Variants in F2RL3 observed in about 807,000 individuals in gnomAD.
The protein encoded by F2RL3 is proteinase-activated receptor 4.
A neutral mutation model predicts 4.9 loss-of-function variants in F2RL3; 3 were observed. The observed-to-expected ratio is 0.61, with a 90% CI of 0.28 to 1.58. The LOEUF is 1.58. Ranked by LOEUF, F2RL3 falls within the 40% of genes most tolerant of loss-of-function variation. F2RL3 has a pLI of 0.11. For missense variants in F2RL3, 564 were observed against 550.4 expected, an observed-to-expected ratio of 1.02 and a Z score of -0.25; for synonymous variants, 284 against 278.4, an observed-to-expected ratio of 1.02 and a Z score of -0.20.
chr19:16,889,839 G>A lies in F2RL3; in HGVS notation c.376G>A (p.Ala126Thr). Residue 126 changes from alanine to threonine, a missense_variant, in exon 2 of 2, where the codon GCC becomes ACC. Coordinates refer to ENST00000248076, the MANE Select transcript of F2RL3 (RefSeq NM_003950.4). ...CCTCGCGGCTGCTGACCTCCTGCTG[G>A]CCCTGGCGCTGCCCCCGCGGATCGC... is the stretch of plus-strand genomic sequence containing the variant. Reference protein sequence around the residue: ...MNLAAADLLLALALPPRIAYH... With the variant: ...MNLAAADLLLTLALPPRIAYH... The A allele has an allele frequency of 6.3e-7, 1 of 1,597,556 alleles. No homozygotes were observed. Among genetic ancestry groups the A allele is most frequent in the African/African-American group, 1.3e-5 (1 of 74,934 alleles).
rs2051752746 is a variant in F2RL3 at position 16,889,095 on chromosome 19, G to A, written c.-95G>A. 3 of 951,804 alleles carry A rather than the reference G, an allele frequency of 3.2e-6. No individual in the cohort carries two copies. Among genetic ancestry groups the A allele is most frequent in the Admixed American group, 3.1e-5 (1 of 31,910 alleles). The allele number at this position is 951,804 out of a possible 1,614,324, so 59.0% of individuals were successfully genotyped here. A position where few individuals can be genotyped will look rare whatever the true frequency, so the allele number is the denominator to read the frequency against. The stretch of plus-strand genomic sequence containing the variant: ...CTTCCTGGTTTATCTCTACCGGCGC[G>A]ATCTGCTCGTCCGCCTCGGCTCCAG... On this transcript the variant is annotated 5_prime_UTR_variant, in exon 1 of 2. Coordinates refer to ENST00000248076, the MANE Select transcript of F2RL3 (RefSeq NM_003950.4).
At position 16,889,081 on chromosome 19, in the gene F2RL3, A is replaced by C. The variant is rs2051752394; in HGVS notation, c.-109A>C. ...GGGGCAGGGGCAGCCTTCCTGGTTT[A>C]TCTCTACCGGCGCGATCTGCTCGTC... On this transcript the variant is annotated 5_prime_UTR_variant, in exon 1 of 2. Transcript: ENST00000248076. 2 of 812,094 alleles carry C rather than the reference A, an allele frequency of 2.5e-6. No homozygotes were observed. Among genetic ancestry groups the C allele is most frequent in the East Asian group, 5.9e-5 (2 of 34,008 alleles). 50.3% of individuals were successfully genotyped at this position (812,094 alleles called of 1,614,324 possible).
chr19:16,890,349 T>A lies in F2RL3; in HGVS notation c.886T>A (p.Phe296Ile), dbSNP rs2227346. ...GGTGCTGGCCTCCGCCGTGGCCTTC[T>A]TCGTGCCCAGCAACCTGCTGCTGCT... ...AVVLASAVAF[F>I]VPSNLLLLLH... Residue 296 changes from phenylalanine (F) to isoleucine (I), a missense_variant, in exon 2 of 2, where the codon TTC (phenylalanine) becomes ATC (isoleucine). Physicochemically the swap from Phe to Ile is conservative, Grantham distance 21 (BLOSUM62 0). Transcript: ENST00000248076. 1.2e-6 allele frequency: 2 copies of A among 1,601,658 alleles called. No individual in the cohort carries two copies. Among genetic ancestry groups the A allele is most frequent in the Non-Finnish European group, 1.7e-6 (2 of 1,177,196 alleles).
rs201977890 is a variant in F2RL3, at chr19:16,891,756, C to CA, written c.*1143dup. 23 of 151,686 alleles carry CA rather than the reference C, an allele frequency of 1.5e-4. No individual in the cohort carries two copies. Among genetic ancestry groups the CA allele is most frequent in the East Asian group, 9.7e-4 (5 of 5,162 alleles). The allele number at this position is 151,686 out of a possible 1,614,324, so 9.4% of individuals were successfully genotyped here. On this transcript the variant is annotated 3_prime_UTR_variant, in exon 2 of 2. Coordinates refer to ENST00000248076, the MANE Select transcript of F2RL3 (RefSeq NM_003950.4). ...CTGGGCGAAAGAGCGACTCTGTCTC[C>CA]AAAAAAAAGAGAAGAGGAGAGGACA...
chr19:16,889,958 G>T lies in F2RL3; in HGVS notation c.495G>T (p.Leu165=). ...ALYGHMYGSV[L]LLAAVSLDRY... is the part of the protein sequence containing the mutation. Reference sequence around the variant, plus strand: ...ATGGTCACATGTATGGCTCAGTGCTGCTGCTGGCCGCCGTCAGCCTGGATC... The same window carrying T: ...ATGGTCACATGTATGGCTCAGTGCTTCTGCTGGCCGCCGTCAGCCTGGATC... The change falls in exon 2 of 2, where the codon CTG becomes CTT. Residue 165 remains leucine, a synonymous_variant. Transcript: ENST00000248076. 1 of 1,593,210 alleles carries T rather than the reference G, an allele frequency of 6.3e-7. No individual in the cohort carries two copies. Among genetic ancestry groups the T allele is most frequent in the Non-Finnish European group, 8.5e-7 (1 of 1,173,426 alleles).
In F2RL3 at chr19:16,889,920, A is replaced by G; in HGVS notation, c.457A>G (p.Thr153Ala). Residue 153 changes from threonine (T) to alanine (A), a missense_variant, in exon 2 of 2, where the codon ACG (threonine) becomes GCG (alanine). By Grantham distance (58) the Thr-to-Ala change is moderately conservative. Coordinates refer to ENST00000248076, the MANE Select transcript of F2RL3 (RefSeq NM_003950.4). ...PFGEAACRLA[T>A]AALYGHMYGS... ...CGGGGAGGCCGCCTGCCGCCTGGCCACGGCCGCACTCTATGGTCACATGTA... is the reference window on the plus strand; with the variant it reads ...CGGGGAGGCCGCCTGCCGCCTGGCCGCGGCCGCACTCTATGGTCACATGTA... 6.3e-7 allele frequency: 1 copy of G among 1,583,650 alleles called. No individual in the cohort carries two copies. The highest frequency in any genetic ancestry group is 1.3e-5 in the African/African-American group (1 of 74,658).
chr19:16,889,628 C>G lies in F2RL3; in HGVS notation c.165C>G (p.Ala55=). ...APRGYPGQVC[A]NDSDTLELPD... is the part of the protein sequence containing the mutation. The stretch of plus-strand genomic sequence containing the variant: ...GCGGCTACCCAGGCCAAGTCTGTGC[C>G]AATGACAGTGACACCCTGGAGCTCC... Residue 55 remains alanine (A), a synonymous_variant, in exon 2 of 2, where the codon GCC becomes GCG. Transcript: ENST00000248076. 4.4e-6 allele frequency: 7 copies of G among 1,607,818 alleles called. No individual in the cohort carries two copies. Among genetic ancestry groups the G allele is most frequent in the Non-Finnish European group, 5.9e-6 (7 of 1,177,412 alleles).
chr19:16,890,805 G>C lies in F2RL3; in HGVS notation c.*184G>C. 1.6e-6 allele frequency: 1 copy of C among 611,298 alleles called. No homozygotes were observed. The highest frequency in any genetic ancestry group is 2.9e-6 in the Non-Finnish European group (1 of 349,136). 37.9% of individuals were successfully genotyped at this position (611,298 alleles called of 1,614,324 possible). ...GGGTGGTGTCCTCATAAGATAAGGA[G>C]AGGCCAGGCCTGGTGGCTCACGCCT... On this transcript the variant is annotated 3_prime_UTR_variant, in exon 2 of 2. Coordinates refer to ENST00000248076, the MANE Select transcript of F2RL3 (RefSeq NM_003950.4).
Position 16,889,696 on chromosome 19 carries a change from G to A in F2RL3, c.233G>A (p.Arg78Lys), listed in dbSNP as rs2051760671. 1.2e-6 allele frequency: 2 copies of A among 1,608,706 alleles called. No homozygotes were observed. Among genetic ancestry groups the A allele is most frequent in the African/African-American group, 2.7e-5 (2 of 75,056 alleles). ...RALLLGWVPT[R>K]LVPALYGLVL... Reference sequence around the variant, plus strand: ...CTGCTTCTGGGCTGGGTGCCCACCAGGCTGGTGCCCGCCCTCTATGGGCTG... The same window carrying A: ...CTGCTTCTGGGCTGGGTGCCCACCAAGCTGGTGCCCGCCCTCTATGGGCTG... The change falls in exon 2 of 2, where the codon AGG (arginine) becomes AAG (lysine). Residue 78 changes from arginine to lysine, a missense_variant. Coordinates refer to ENST00000248076, the MANE Select transcript of F2RL3 (RefSeq NM_003950.4).
chr19:16,889,772 C>T lies in F2RL3; in HGVS notation c.309C>T (p.Ala103=). 4.4e-6 allele frequency: 7 copies of T among 1,599,128 alleles called. No homozygotes were observed. Among genetic ancestry groups the T allele is most frequent in the Non-Finnish European group, 5.9e-6 (7 of 1,178,292 alleles). The stretch of plus-strand genomic sequence containing the variant: ...ATGGGCTGGCGCTGTGGGTGCTGGC[C>T]ACGCAGGCACCTCGGCTGCCCTCCA... The part of the protein sequence containing the change: ...PANGLALWVL[A]TQAPRLPSTM... The change falls in exon 2 of 2, where the codon GCC becomes GCT. Residue 103 remains alanine, a synonymous_variant. Coordinates refer to ENST00000248076, the MANE Select transcript of F2RL3 (RefSeq NM_003950.4).
At position 16,890,466 on chromosome 19, in the gene F2RL3, G is replaced by C. The variant is rs139232968; in HGVS notation, c.1003G>C (p.Val335Leu). ...GGCGCTGAGCACCCTCAACAGCTGC[G>C]TGGATCCCTTCATCTACTACTACGT... is the stretch of plus-strand genomic sequence containing the variant. ...SLALSTLNSC[V>L]DPFIYYYVSA... The change falls in exon 2 of 2, where the codon GTG (valine) becomes CTG (leucine). Residue 335 changes from valine to leucine, a missense_variant. Coordinates refer to ENST00000248076, the MANE Select transcript of F2RL3 (RefSeq NM_003950.4). 3 of 1,612,902 alleles carry C rather than the reference G, an allele frequency of 1.9e-6. No homozygotes were observed. Among genetic ancestry groups the C allele is most frequent in the Non-Finnish European group, 2.5e-6 (3 of 1,179,970 alleles).
In F2RL3 at chr19:16,889,923, G is replaced by T; in HGVS notation, c.460G>T (p.Ala154Ser). The T allele has an allele frequency of 6.3e-7, 1 of 1,584,872 alleles. No individual in the cohort carries two copies. Residue 154 changes from alanine (A) to serine (S), a missense_variant, in exon 2 of 2, where the codon GCC becomes TCC. Transcript: ENST00000248076. ...GGAGGCCGCCTGCCGCCTGGCCACG[G>T]CCGCACTCTATGGTCACATGTATGG... ...FGEAACRLAT[A>S]ALYGHMYGSV...
chr19:16,889,861 T>C lies in F2RL3; in HGVS notation c.398T>C (p.Ile133Thr). The C allele has an allele frequency of 1.3e-6, 2 of 1,594,750 alleles. No homozygotes were observed. The highest frequency in any genetic ancestry group is 1.7e-6 in the Non-Finnish European group (2 of 1,176,816). ...LLLALALPPR[I>T]AYHLRGQRWP... ...CTGGCCCTGGCGCTGCCCCCGCGGATCGCCTACCACCTGCGTGGCCAGCGC... is the reference window on the plus strand; with the variant it reads ...CTGGCCCTGGCGCTGCCCCCGCGGACCGCCTACCACCTGCGTGGCCAGCGC... Residue 133 changes from isoleucine to threonine, a missense_variant, in exon 2 of 2, where the codon ATC becomes ACC. Ile to Thr is a moderately conservative substitution (Grantham distance 89, BLOSUM62 -1). Transcript: ENST00000248076.
Position 16,890,067 on chromosome 19 carries a change from C to G in F2RL3, c.604C>G (p.Leu202Val), listed in dbSNP as rs774704645. 11 of 1,597,548 alleles carry G rather than the reference C, an allele frequency of 6.9e-6. No homozygotes were observed. Among genetic ancestry groups the G allele is most frequent in the Non-Finnish European group, 9.3e-6 (11 of 1,178,968 alleles). ...CCTTGGACTCTGCATGGCTGCTTGG[C>G]TCATGGCGGCCGCCCTGGCACTGCC... is the stretch of plus-strand genomic sequence containing the variant. ...LALGLCMAAW[L>V]MAAALALPLT... Residue 202 changes from leucine to valine, a missense_variant, in exon 2 of 2, where the codon CTC (leucine) becomes GTC (valine). Coordinates refer to ENST00000248076, the MANE Select transcript of F2RL3 (RefSeq NM_003950.4).
In F2RL3 at chr19:16,890,689, C is replaced by A; in HGVS notation, c.*68C>A. On this transcript the variant is annotated 3_prime_UTR_variant, in exon 2 of 2. Transcript: ENST00000248076. ...CCCCCACTTCACGTCCTTCCTGGGA[C>A]CTCAGAATGTGACCTTATTTGGAAA... The A allele has an allele frequency of 8.6e-7, 1 of 1,168,794 alleles. No individual in the cohort carries two copies. Among genetic ancestry groups the A allele is most frequent in the Non-Finnish European group, 1.2e-6 (1 of 842,914 alleles). 72.4% of individuals were successfully genotyped at this position (1,168,794 alleles called of 1,614,324 possible). A position where few individuals can be genotyped will look rare whatever the true frequency, so the allele number is the denominator to read the frequency against.
rs973328085 is a variant in F2RL3, at chr19:16,890,679, C to T, written c.*58C>T. The T allele has an allele frequency of 1.9e-5, 23 of 1,231,838 alleles. No individual in the cohort carries two copies. Among genetic ancestry groups the T allele is most frequent in the Non-Finnish European group, 2.2e-5 (20 of 894,936 alleles). The allele number at this position is 1,231,838 out of a possible 1,614,324, so 76.3% of individuals were successfully genotyped here. A position where few individuals can be genotyped will look rare whatever the true frequency, so the allele number is the denominator to read the frequency against. On this transcript the variant is annotated 3_prime_UTR_variant, in exon 2 of 2. Transcript: ENST00000248076. ...AGGGTCCCTTCCCCCACTTCACGTCCTTCCTGGGACCTCAGAATGTGACCT... is the reference window on the plus strand; with the variant it reads ...AGGGTCCCTTCCCCCACTTCACGTCTTTCCTGGGACCTCAGAATGTGACCT...
rs535801356 is a variant in F2RL3, at chr19:16,890,656, G to T, written c.*35G>T. On this transcript the variant is annotated 3_prime_UTR_variant, in exon 2 of 2. Coordinates refer to ENST00000248076, the MANE Select transcript of F2RL3 (RefSeq NM_003950.4). Reference sequence around the variant, plus strand: ...GGGAAGGCTGTACTGGGTCGAACAGGGTCCCTTCCCCCACTTCACGTCCTT... The same window carrying T: ...GGGAAGGCTGTACTGGGTCGAACAGTGTCCCTTCCCCCACTTCACGTCCTT... 4 of 1,450,642 alleles carry T rather than the reference G, an allele frequency of 2.8e-6. No individual in the cohort carries two copies. Among genetic ancestry groups the T allele is most frequent in the South Asian group, 1.3e-5 (1 of 79,170 alleles). 89.9% of individuals were successfully genotyped at this position (1,450,642 alleles called of 1,614,324 possible). A position where few individuals can be genotyped will look rare whatever the true frequency, so the allele number is the denominator to read the frequency against.
Position 16,890,054 on chromosome 19 carries a change from C to A in F2RL3, c.591C>A (p.Cys197Ter). 6 of 1,599,024 alleles carry A rather than the reference C, an allele frequency of 3.8e-6. No individual in the cohort carries two copies. Among genetic ancestry groups the A allele is most frequent in the Middle Eastern group, 1.7e-4 (1 of 5,998 alleles). The part of the protein sequence containing the change: ...LRGRRLALGL[C>*]MAAWLMAAAL... ...GCCGGCGCCTGGCCCTTGGACTCTG[C>A]ATGGCTGCTTGGCTCATGGCGGCCG... Residue 197 changes from cysteine to a stop codon, truncating the protein, a stop_gained, in exon 2 of 2, where the codon TGC becomes TGA. Transcript: ENST00000248076. LOFTEE classifies it low-confidence loss of function (END_TRUNC).
chr19:16,889,856 G>C lies in F2RL3; in HGVS notation c.393G>C (p.Pro131=), dbSNP rs367781162. ...TCCTGCTGGCCCTGGCGCTGCCCCC[G>C]CGGATCGCCTACCACCTGCGTGGCC... is the stretch of plus-strand genomic sequence containing the variant. ...ADLLLALALP[P]RIAYHLRGQR... The change falls in exon 2 of 2, where the codon CCG becomes CCC. Residue 131 remains proline (P), a synonymous_variant. Coordinates refer to ENST00000248076, the MANE Select transcript of F2RL3 (RefSeq NM_003950.4). The C allele has an allele frequency of 1.9e-6, 3 of 1,595,198 alleles. No individual in the cohort carries two copies. The highest frequency in any genetic ancestry group is 1.7e-6 in the Non-Finnish European group (2 of 1,177,036).
Sources: gnomAD v4.1 joint callset for allele counts on GRCh38, gnomAD v4.1.1 for gene constraint, MANE v1.5 for transcripts, NCBI Gene and HGNC (gene_info 2026-07-23, HGNC 2026-07-21) for gene names.